ADH5: variants seen among roughly 807,000 people sequenced by gnomAD.
ADH5 encodes the protein alcohol dehydrogenase class-3.
ADH5 carries 32 observed loss-of-function variants against 40.3 expected under a neutral mutation model. The observed-to-expected ratio is 0.79, with a 90% CI of 0.60 to 1.07. The LOEUF (loss-of-function observed/expected upper bound fraction) is 1.07, where lower values mean the gene tolerates loss of function less well. Ranked by LOEUF, ADH5 falls within the 50% of genes least tolerant of loss-of-function variation. The pLI is 0.00. For synonymous variants in ADH5, 125 were observed against 154.3 expected, an observed-to-expected ratio of 0.81 and a Z score of 1.41; for missense variants, 353 against 460.5, an observed-to-expected ratio of 0.77 and a Z score of 2.14.
At chr4:99,076,677 A>G (rs1579361839) in intron 5 of ADH5, 27 bp downstream of exon 5, 1 of 1,606,726 alleles carries the variant, frequency 6.2e-7, no homozygotes, top group Non-Finnish European at 8.5e-7. Flanking sequence ...AGAAGGCAGA[A>G]GCAAAAAACC....
chr4:99,085,541 T>C, intron 1 of ADH5: 1 of 312,872 alleles, frequency 3.2e-6, no homozygotes, highest in Non-Finnish European at 6.3e-6. Flanking sequence ...TCAGCAGGTC[T>C]GGCATGGGGT....
At chr4:99,072,787 T>C in intron 7 of ADH5, 76 bp from the exon 8 acceptor site, 1 of 1,385,060 alleles carries the variant, frequency 7.2e-7, no homozygotes. Context: ...ACAAAAGGCA[T>C]TTAAAAGAAT....
chr4:99,085,367 T>G (rs1560756570), intron 1 of ADH5, 151 bp from the exon 2 acceptor site: 4 of 444,988 alleles, frequency 9.0e-6, no homozygotes, highest in South Asian at 5.9e-5. Context: ...GTTTTTAGAT[T>G]TCACACAAAT....
chr4:99,088,410 G>A (rs1728033081), intron 1 of ADH5, among the ~76,000 whole-genome samples: 1 of 152,090 alleles, frequency 6.6e-6, no homozygotes, highest in African/African-American at 2.4e-5. Flanking sequence ...ATACCGACCT[G>A]ACCAGCCCCT....
At chr4:99,078,444 G>A (rs28730617) in intron 4 of ADH5, among the ~76,000 whole-genome samples, 10,742 of 151,972 alleles carry the variant, frequency 0.071, 595 homozygotes, top group African/African-American at 0.17. Context: ...TTACTCGGTC[G>A]CCCAGGTTGG....
rs1939804970 is a variant in ADH5 at position 99,076,886 on chromosome 4, T to C, written c.382A>G (p.Ser128Gly). Residue 128 changes from serine (S) to glycine (G), a missense_variant, in exon 5 of 9, where the codon AGC becomes GGC. Coordinates refer to ENST00000296412, the MANE Select transcript of ADH5 (RefSeq NM_000671.4). ...GTCTTTCCTTTGCAAGTAAATCTGC[T>C]GGTACCATCTGGCATTAATCCTTTC... is the stretch of plus-strand genomic sequence containing the variant. ...QGKGLMPDGT[S>G]RFTCKGKTIL... The C allele has an allele frequency of 1.2e-6, 2 of 1,613,556 alleles. No individual in the cohort carries two copies. Among genetic ancestry groups the C allele is most frequent in the African/African-American group, 1.3e-5 (1 of 74,960 alleles).
chr4:99,085,089 T>A (rs1228197145), intron 2 of ADH5, 26 bp downstream of exon 2: 1 of 1,284,856 alleles, frequency 7.8e-7, no homozygotes, highest in Non-Finnish European at 1.0e-6. Flanking sequence ...TCTCTTTTTT[T>A]CCCAGTGCCT....
intron 4 of ADH5, among the ~76,000 whole-genome samples, chr4:99,080,183 T>C (rs1015130368): frequency 2.0e-5 from 3 of 152,184 alleles, no homozygotes; most frequent in South Asian, 4.1e-4. Context: ...CTAAAACTTA[T>C]TGGTTCTTTT....
Position 99,072,340 on chromosome 4 carries a change from T to C in ADH5, c.*77A>G. 1 of 1,403,584 alleles carries C rather than the reference T, an allele frequency of 7.1e-7. No individual in the cohort carries two copies. Among genetic ancestry groups the C allele is most frequent in the Admixed American group, 1.8e-5 (1 of 56,164 alleles). The allele number at this position is 1,403,584 out of a possible 1,614,324, so 86.9% of individuals were successfully genotyped here. A position where few individuals can be genotyped will look rare whatever the true frequency, so the allele number is the denominator to read the frequency against. On this transcript the variant is annotated 3_prime_UTR_variant, in exon 9 of 9. Coordinates refer to ENST00000296412, the MANE Select transcript of ADH5 (RefSeq NM_000671.4). ...TGTGAAGCTCTACGAGGCTGTGAGG[T>C]TGGAGGCGCTTCTCCCTGCCTGTTA...
intron 4 of ADH5, among the ~76,000 whole-genome samples, chr4:99,077,999 T>A (rs1560753927): frequency 6.6e-6 from 1 of 152,230 alleles, no homozygotes; most frequent in Non-Finnish European, 1.5e-5. Flanking sequence ...TGAGATGTTA[T>A]ATGAGGCTTT....
At position 99,076,328 on chromosome 4, in the gene ADH5, G is replaced by A. The variant is rs1252676918; in HGVS notation, c.789C>T (p.Asp263=). ...VLIEMTDGGV[D]YSFECIGNVK... ...CATTACCAATACATTCAAAGGAATA[G>A]TCCACTCCTCCATCGGTCATCTCAA... The change falls in exon 6 of 9, where the codon GAC becomes GAT. Residue 263 remains aspartate, a synonymous_variant. Transcript: ENST00000296412. The A allele has an allele frequency of 6.2e-7, 1 of 1,614,046 alleles. No individual in the cohort carries two copies. Among genetic ancestry groups the A allele is most frequent in the Admixed American group, 1.7e-5 (1 of 60,010 alleles).
chr4:99,086,831 C>T (rs29001350), intron 1 of ADH5, among the ~76,000 whole-genome samples: 42 of 138,350 alleles, frequency 3.0e-4, no homozygotes, highest in African/African-American at 1.2e-3. Context: ...TCACAGCTAC[C>T]GGGGAGGCTG....
rs563496678 is a variant in ADH5, at chr4:99,073,334, A to G, written c.962-623T>C. ...GCTGGGACTACAGGCGCCTGCCACC[A>G]CGCCCAGCTAATTTTTTGTATTTTT... On this transcript the variant is annotated intron_variant, in intron 7 of 8. Transcript: ENST00000296412. Among the ~76,000 whole-genome samples, 15 of 152,206 alleles carry G rather than the reference A, an allele frequency of 9.9e-5. 1 individual carries two copies. In the South Asian group the frequency reaches 2.7e-3, roughly 27 times the overall value.
At chr4:99,075,671 GAGT>G (rs1342276619) in intron 6 of ADH5, 2 of 152,280 alleles carry the variant, frequency 1.3e-5, no homozygotes, top group Non-Finnish European at 2.9e-5. Context: ...TACTTTTACT[GAGT>G]GTCTATGTAG....
In ADH5 at chr4:99,081,466, C is replaced by T; in HGVS notation, c.257-14G>A. 6.4e-7 allele frequency: 1 copy of T among 1,555,034 alleles called. No homozygotes were observed. Among genetic ancestry groups the T allele is most frequent in the Non-Finnish European group, 8.8e-7 (1 of 1,131,360 alleles). ...TGACAGTGTCACCTGGAAACAAATG[C>T]AAAGACATCCTGAATAGGTAGTATC... On this transcript the variant is annotated splice_polypyrimidine_tract_variant and intron_variant, in intron 3 of 8. Coordinates refer to ENST00000296412, the MANE Select transcript of ADH5 (RefSeq NM_000671.4).
intron 5 of ADH5, 25 bp downstream of exon 5, chr4:99,076,679 C>A: frequency 6.2e-7 from 1 of 1,605,992 alleles, no homozygotes; most frequent in Admixed American, 1.7e-5. Flanking sequence ...AAGGCAGAAG[C>A]AAAAAACCCA....
chr4:99,085,091 C>G (rs1377627474), intron 2 of ADH5, 24 bp downstream of exon 2: 2 of 1,294,920 alleles, frequency 1.5e-6, no homozygotes, highest in Non-Finnish European at 2.1e-6. Context: ...TCTTTTTTTC[C>G]CAGTGCCTTA....
chr4:99,073,759 G>A (rs916308240), intron 7 of ADH5, among the ~76,000 whole-genome samples: 1 of 152,122 alleles, frequency 6.6e-6, no homozygotes, highest in Non-Finnish European at 1.5e-5. Context: ...CTTTAGATCA[G>A]CAATGCAAGG....
Position 99,075,225 on chromosome 4 carries a change from G to T in ADH5, c.826-176C>A, listed in dbSNP as rs866951070. The T allele has an allele frequency of 9.9e-3, 3,121 of 315,210 alleles. 4 individuals carry two copies. The highest frequency in any genetic ancestry group is 0.02 in the East Asian group (295 of 14,830). The allele number at this position is 315,210 out of a possible 1,614,324, so 19.5% of individuals were successfully genotyped here. A position where few individuals can be genotyped will look rare whatever the true frequency, so the allele number is the denominator to read the frequency against. ...AATTTATATTTTAATTTTTTTTGTT[G>T]TTTTTTTTTTTTTTGAGATAAGAGT... On this transcript the variant is annotated intron_variant, in intron 6 of 8. Coordinates refer to ENST00000296412, the MANE Select transcript of ADH5 (RefSeq NM_000671.4).
Sources: gnomAD v4.1 joint callset for allele counts (sites outside exome capture counted in the v4.1 genomes callset) on GRCh38, gnomAD v4.1.1 for gene constraint, MANE v1.5 for transcripts, NCBI Gene and HGNC (gene_info 2026-07-23, HGNC 2026-07-21) for gene names.